Variants in MAGI2 observed in about 807,000 individuals in gnomAD.
MAGI2 encodes membrane-associated guanylate kinase, WW and PDZ domain-containing protein 2.
A neutral mutation model predicts 133.3 loss-of-function variants in MAGI2; 35 were observed. That is an observed-to-expected ratio of 0.26 (90% CI 0.20 to 0.35). The LOEUF (loss-of-function observed/expected upper bound fraction) is 0.35, where lower values mean the gene tolerates loss of function less well. Ranked by LOEUF, MAGI2 falls within the 10% of genes least tolerant of loss-of-function variation. MAGI2 has a pLI of 1.00. For missense variants in MAGI2, 1,636 were observed against 1,863.4 expected (o/e 0.88, Z 2.25); for synonymous variants, 729 against 710.6 (o/e 1.03, Z -0.41).
At chr7:78,978,521 AG>A (rs1221716597) in intron 2 of MAGI2, among the ~76,000 whole-genome samples, 1 of 151,870 alleles carries the variant, frequency 6.6e-6, no homozygotes, top group African/African-American at 2.4e-5. Context: ...GGTGAAACGC[AG>A]GAAGAGTTTT....
intron 2 of MAGI2, among the ~76,000 whole-genome samples, chr7:78,885,231 C>T (rs568294545): frequency 1.8e-4 from 27 of 152,208 alleles, no homozygotes; most frequent in African/African-American, 6.5e-4. Flanking sequence ...GGGTTAAAAC[C>T]ATTCCTACCC....
At chr7:78,999,402 A>AT (rs1297857721) in intron 2 of MAGI2, among the ~76,000 whole-genome samples, 1 of 151,554 alleles carries the variant, frequency 6.6e-6, no homozygotes, top group Non-Finnish European at 1.5e-5. Flanking sequence ...ATGTTCCTTG[A>AT]TTTTCCATCT....
intron 1 of MAGI2, among the ~76,000 whole-genome samples, chr7:79,364,784 T>G (rs1842592576): frequency 6.6e-6 from 1 of 151,752 alleles, no homozygotes; most frequent in Non-Finnish European, 1.5e-5. Flanking sequence ...CCAGAATAGA[T>G]CATAAATATA....
At chr7:79,156,178 C>T (rs1283766939) in intron 1 of MAGI2, among the ~76,000 whole-genome samples, 2 of 151,996 alleles carry the variant, frequency 1.3e-5, no homozygotes, top group African/African-American at 4.8e-5. Context: ...CTCTATGTAT[C>T]GTGACTTGCT....
At chr7:79,446,676 C>T (rs751845378) in intron 1 of MAGI2, among the ~76,000 whole-genome samples, 2 of 152,108 alleles carry the variant, frequency 1.3e-5, no homozygotes, top group African/African-American at 4.8e-5. Flanking sequence ...GGGGGTTGGG[C>T]GCAGTGGCTC....
intron 6 of MAGI2, among the ~76,000 whole-genome samples, chr7:78,452,915 A>T (rs1389064668): frequency 6.6e-6 from 1 of 151,992 alleles, no homozygotes; most frequent in Non-Finnish European, 1.5e-5. Flanking sequence ...AGTCTCTTGC[A>T]TATTATTAGC....
intron 9 of MAGI2, among the ~76,000 whole-genome samples, chr7:78,331,494 T>TA (rs1480039043): frequency 1.3e-5 from 2 of 152,226 alleles, no homozygotes; most frequent in South Asian, 2.1e-4. Context: ...GACCTACACT[T>TA]AAAAAGCTAA....
chr7:78,887,125 T>C (rs1208867451), intron 2 of MAGI2, among the ~76,000 whole-genome samples: 3 of 152,180 alleles, frequency 2.0e-5, no homozygotes, highest in Admixed American at 1.3e-4. Context: ...CTTTGTAAAT[T>C]TCCCAGTCTC....
chr7:78,808,234 TG>T (rs1264003676), intron 2 of MAGI2, among the ~76,000 whole-genome samples: 1 of 152,110 alleles, frequency 6.6e-6, no homozygotes, highest in Non-Finnish European at 1.5e-5. Flanking sequence ...AGCCTTCAGC[TG>T]TATTTTTATT....
chr7:78,294,655 C>T (rs548726772), intron 9 of MAGI2, among the ~76,000 whole-genome samples: 17 of 149,760 alleles, frequency 1.1e-4, no homozygotes, highest in African/African-American at 4.1e-4. Context: ...TCTATCTTGC[C>T]TCAATGCCAT....
Position 79,088,518 on chromosome 7 carries a change from T to C in MAGI2, c.302-81312A>G, listed in dbSNP as rs571108347. ...TACTTTATTTCTTTCTCTTGCCTGA[T>C]TGCCCTGGCCAGAACGTCCAATAAT... is the stretch of plus-strand genomic sequence containing the variant. On this transcript the variant is annotated intron_variant, in intron 1 of 21. Transcript: ENST00000354212. 2.6e-5 allele frequency among the ~76,000 whole-genome samples: 4 copies of C among 152,250 alleles called. No homozygotes were observed. The South Asian group carries it at 8.3e-4, about 31-fold the overall frequency.
At chr7:78,394,705 T>C (rs1173202736) in intron 6 of MAGI2, among the ~76,000 whole-genome samples, 1 of 152,154 alleles carries the variant, frequency 6.6e-6, no homozygotes, top group African/African-American at 2.4e-5. Flanking sequence ...CGGTTAATTT[T>C]CTCATTTTTT....
intron 1 of MAGI2, among the ~76,000 whole-genome samples, chr7:79,440,755 C>G (rs934376954): frequency 3.3e-5 from 5 of 152,074 alleles, no homozygotes; most frequent in African/African-American, 1.2e-4. Context: ...GCTTAAATAT[C>G]TTGTGTACTA....
At chr7:79,282,619 A>G (rs1835737282) in intron 1 of MAGI2, among the ~76,000 whole-genome samples, 1 of 152,182 alleles carries the variant, frequency 6.6e-6, no homozygotes, top group African/African-American at 2.4e-5. Context: ...AAGGGAATAG[A>G]AAAAAATCAT....
At chr7:78,130,516 C>T (rs1821458574) in intron 18 of MAGI2, among the ~76,000 whole-genome samples, 1 of 152,188 alleles carries the variant, frequency 6.6e-6, no homozygotes. Flanking sequence ...AGAGTTTTCC[C>T]TCTGATACCA....
In MAGI2 at chr7:78,160,277, CAA is replaced by C. The variant is rs746571550; in HGVS notation, c.2597-6_2597-5del. On this transcript the variant is annotated splice_polypyrimidine_tract_variant and splice_region_variant and intron_variant, in intron 15 of 21. Coordinates refer to ENST00000354212, the MANE Select transcript of MAGI2 (RefSeq NM_012301.4). The stretch of plus-strand genomic sequence containing the variant: ...CCGTTCTCTGGGCAGGGCTCCCCTG[CAA>C]AATATACCACACACAGGTAATCAAT... 4.8e-5 allele frequency: 76 copies of C among 1,574,132 alleles called. No homozygotes were observed. Among genetic ancestry groups the C allele is most frequent in the Admixed American group, 5.3e-5 (3 of 56,666 alleles).
intron 21 of MAGI2, among the ~76,000 whole-genome samples, chr7:78,026,856 A>G (rs1293424389): frequency 6.6e-6 from 1 of 152,244 alleles, no homozygotes; most frequent in East Asian, 1.9e-4. Context: ...TAGAGTGGTC[A>G]GGAAGATAAT....
chr7:78,204,503 A>C (rs549927569), intron 10 of MAGI2, among the ~76,000 whole-genome samples: 1 of 152,316 alleles, frequency 6.6e-6, no homozygotes, highest in East Asian at 1.9e-4. Flanking sequence ...AAAGAGCCAT[A>C]TTCTTTAAAA....
chr7:78,466,333 C>T (rs910287007), intron 6 of MAGI2, among the ~76,000 whole-genome samples: 1 of 152,188 alleles, frequency 6.6e-6, no homozygotes, highest in East Asian at 1.9e-4. Flanking sequence ...TGTCCCATTC[C>T]ACTTTGCACT....
Sources: allele counts gnomAD v4.1 joint callset (sites outside exome capture counted in the v4.1 genomes callset), GRCh38; gene constraint gnomAD v4.1.1; transcripts MANE v1.5; gene names NCBI Gene and HGNC (gene_info 2026-07-23, HGNC 2026-07-21).